LARP4: variants seen among roughly 807,000 people sequenced by gnomAD.
LARP4 encodes the protein La ribonucleoprotein 4, also known as la-related protein 4.
Under a neutral mutation model 92.9 loss-of-function variants are expected in LARP4, and 29 were observed. That is an observed-to-expected ratio of 0.31 (90% CI 0.23 to 0.43). LARP4 has a LOEUF of 0.43. Ranked by LOEUF, LARP4 falls within the 20% of genes least tolerant of loss-of-function variation. The pLI, the probability that LARP4 is intolerant of heterozygous loss-of-function variation, is 1.00. For synonymous variants in LARP4, 279 were observed against 284.1 expected, an observed-to-expected ratio of 0.98 and a Z score of 0.18; for missense variants, 732 against 860.0, an observed-to-expected ratio of 0.85 and a Z score of 1.86.
At chr12:50,474,246 TAGAAC>T in intron 15 of LARP4, 79 bp downstream of exon 15, 6 of 1,126,226 alleles carry the variant, frequency 5.3e-6, no homozygotes, top group South Asian at 1.6e-5. Flanking sequence ...AACACTTTGT[TAGAAC>T]AGAGTCATTT....
At chr12:50,469,115 A>G (rs1439701512) in intron 13 of LARP4, among the ~76,000 whole-genome samples, 1 of 151,758 alleles carries the variant, frequency 6.6e-6, no homozygotes, top group Non-Finnish European at 1.5e-5. Flanking sequence ...TCTGCTCTCA[A>G]ATTGATCAGT....
intron 12 of LARP4, 88 bp downstream of exon 12, chr12:50,462,718 T>C (rs1955604793): frequency 1.1e-6 from 1 of 926,346 alleles, no homozygotes; most frequent in Non-Finnish European, 1.7e-6. Context: ...TCTGGGTTTT[T>C]GTTTTATTGA....
chr12:50,448,604 A>T (rs533906357), intron 8 of LARP4, among the ~76,000 whole-genome samples: 1 of 152,130 alleles, frequency 6.6e-6, no homozygotes, highest in South Asian at 2.1e-4. Flanking sequence ...GCTCACTGCA[A>T]CCTCTGCCCC....
chr12:50,426,572 T>A (rs953096213), intron 1 of LARP4, among the ~76,000 whole-genome samples: 2 of 151,898 alleles, frequency 1.3e-5, no homozygotes, highest in African/African-American at 4.8e-5. Context: ...ACTTAGAAAT[T>A]CTAAAGCGTG....
chr12:50,460,110 G>A (rs900061142), intron 10 of LARP4, among the ~76,000 whole-genome samples: 74 of 151,280 alleles, frequency 4.9e-4, no homozygotes, highest in African/African-American at 1.4e-3. Flanking sequence ...GCTCCAGCCC[G>A]GGCAACAGAG....
intron 1 of LARP4, among the ~76,000 whole-genome samples, chr12:50,407,351 CTAATT>C (rs1221119015): frequency 1.3e-5 from 2 of 152,090 alleles, no homozygotes; most frequent in African/African-American, 4.8e-5. Flanking sequence ...AAGGTTTAAA[CTAATT>C]TAAGAGAAGT....
intron 1 of LARP4, among the ~76,000 whole-genome samples, chr12:50,420,464 T>C (rs1358288475): frequency 6.6e-6 from 1 of 152,224 alleles, no homozygotes; most frequent in African/African-American, 2.4e-5. Flanking sequence ...TTTTACAGAA[T>C]TGATGAACGA....
chr12:50,475,126 G>A (rs1957403509), intron 15 of LARP4, among the ~76,000 whole-genome samples: 1 of 152,074 alleles, frequency 6.6e-6, no homozygotes, highest in African/African-American at 2.4e-5. Context: ...CTTTTAATGA[G>A]TCTTTTTATA....
intron 1 of LARP4, among the ~76,000 whole-genome samples, chr12:50,425,651 C>G (rs150442350): frequency 3.8e-4 from 58 of 152,200 alleles, no homozygotes; most frequent in African/African-American, 1.4e-3. Flanking sequence ...CTACGGCATC[C>G]GTGCCAAAGC....
At chr12:50,402,594 G>A (rs952205934) in intron 1 of LARP4, 20 of 265,668 alleles carry the variant, frequency 7.5e-5, no homozygotes, top group Non-Finnish European at 1.4e-4. Context: ...TTATTAAAAT[G>A]TAAGTTTTAA....
Position 50,437,366 on chromosome 12 carries a change from A to G in LARP4, c.536-369A>G, listed in dbSNP as rs7957892. Among the ~76,000 whole-genome samples, 616 of 151,982 alleles carry G rather than the reference A, an allele frequency of 4.1e-3. 5 individuals carry two copies. The highest frequency in any genetic ancestry group is 0.014 in the African/African-American group (577 of 41,540). On this transcript the variant is annotated intron_variant, in intron 5 of 15. Transcript: ENST00000398473. ...ATACTCCTCAACATAGTGTTTGGCC[A>G]ATGAAAGTACACTAATTTCTGTTAA...
intron 13 of LARP4, among the ~76,000 whole-genome samples, chr12:50,468,699 TACTC>T (rs1286634408): frequency 1.3e-5 from 2 of 152,178 alleles, no homozygotes; most frequent in Non-Finnish European, 2.9e-5. Flanking sequence ...TAAGCCAACA[TACTC>T]ACACTTTTCC....
At chr12:50,416,383 G>C (rs972220499) in intron 1 of LARP4, 1 of 152,140 alleles carries the variant, frequency 6.6e-6, no homozygotes. Flanking sequence ...TCAGATGACC[G>C]GGTGCCGTGG....
chr12:50,459,465 T>C (rs957403087), intron 10 of LARP4, among the ~76,000 whole-genome samples: 8 of 152,182 alleles, frequency 5.3e-5, no homozygotes, highest in African/African-American at 1.9e-4. Flanking sequence ...GCTTTATACA[T>C]AAAATGATTA....
At chr12:50,425,759 C>A (rs113555841) in intron 1 of LARP4, among the ~76,000 whole-genome samples, 1 of 152,182 alleles carries the variant, frequency 6.6e-6, no homozygotes, top group South Asian at 2.1e-4. Context: ...CCCTGGGACA[C>A]AAACTACTAG....
At chr12:50,434,867 A>T (rs1950189268) in intron 4 of LARP4, among the ~76,000 whole-genome samples, 1 of 149,620 alleles carries the variant, frequency 6.7e-6, no homozygotes, top group African/African-American at 2.5e-5. Context: ...ACACGGTGAA[A>T]CCCCGTCTGT....
rs60763691 is a variant in LARP4, at chr12:50,449,923, A to ATTTTTTTT, written c.805-3515_805-3508dup. 4.3e-5 allele frequency among the ~76,000 whole-genome samples: 2 copies of ATTTTTTTT among 47,044 alleles called. 1 individual carries two copies. The highest frequency in any genetic ancestry group is 1.7e-4 in the African/African-American group (2 of 11,774). The allele number at this position is 47,044 out of a possible 152,430, so 30.9% of individuals were successfully genotyped here. A position where few individuals can be genotyped will look rare whatever the true frequency, so the allele number is the denominator to read the frequency against. ...GACCTTTTGTTATACAGCCATAGCA[A>ATTTTTTTT]TTTTTTTTTTTTTTTTTTTTTTTTT... is the stretch of plus-strand genomic sequence containing the variant. On this transcript the variant is annotated intron_variant, in intron 8 of 15. Coordinates refer to ENST00000398473, the MANE Select transcript of LARP4 (RefSeq NM_052879.5).
intron 1 of LARP4, among the ~76,000 whole-genome samples, chr12:50,423,818 T>A (rs893965365): frequency 6.7e-6 from 1 of 149,864 alleles, no homozygotes; most frequent in African/African-American, 2.5e-5. Context: ...ATGATGCAAT[T>A]TCGGCTCACT....
intron 8 of LARP4, among the ~76,000 whole-genome samples, chr12:50,452,435 A>T (rs148083129): frequency 6.6e-6 from 1 of 151,870 alleles, no homozygotes; most frequent in Non-Finnish European, 1.5e-5. Context: ...GCCCGCCTCA[A>T]CCTCTCAAAG....
Sources: allele counts gnomAD v4.1 joint callset (sites outside exome capture counted in the v4.1 genomes callset), GRCh38; gene constraint gnomAD v4.1.1; transcripts MANE v1.5; gene names NCBI Gene and HGNC (gene_info 2026-07-23, HGNC 2026-07-21).